Variants in TCOF1 observed in about 807,000 individuals in gnomAD.
The protein encoded by TCOF1 is treacle protein.
A neutral mutation model predicts 149.0 loss-of-function variants in TCOF1; 33 were observed. The observed-to-expected ratio is 0.22, with a 90% CI of 0.17 to 0.30. The LOEUF is 0.30. Ranked by LOEUF, TCOF1 falls within the 10% of genes least tolerant of loss-of-function variation. The pLI is 1.00. For missense variants in TCOF1, 1,728 were observed against 1,840.7 expected (o/e 0.94, Z 1.12); for synonymous variants, 789 against 738.8 (o/e 1.07, Z -1.10).
chr5:150,393,302 C>G lies in TCOF1; in HGVS notation c.3604-70C>G, dbSNP rs1040741733. On this transcript the variant is annotated intron_variant, in intron 22 of 26. Transcript: ENST00000643257. ...CCCAGGCTGCTTTCCTCACAGCAGG[C>G]CATGACTCGGGCTGGGTTATGGCAG... 3 of 1,599,276 alleles carry G rather than the reference C, an allele frequency of 1.9e-6. No homozygotes were observed. The African/African-American group carries it at 4.0e-5, about 21-fold the overall frequency.
chr5:150,398,315 A>G (rs1769006869), intron 24 of TCOF1, 39 bp from the exon 25 acceptor site: 2 of 1,612,234 alleles, frequency 1.2e-6, no homozygotes, highest in East Asian at 4.5e-5. Context: ...ACTTAGGATT[A>G]CCATCTGTTG....
At position 150,372,116 on chromosome 5, in the gene TCOF1, C is replaced by T; in HGVS notation, c.750C>T (p.Pro250=). ...PAPGKVGDVT[P]QVKGGALPPA... ...CTGGGAAGGTGGGGGATGTGACACC[C>T]CAGGTCAAAGGAGGGGCCCTGCCCC... The change falls in exon 7 of 27, where the codon CCC becomes CCT. Residue 250 remains proline (P), a synonymous_variant. Transcript: ENST00000643257. 1 of 1,614,204 alleles carries T rather than the reference C, an allele frequency of 6.2e-7. No homozygotes were observed. Among genetic ancestry groups the T allele is most frequent in the Non-Finnish European group, 8.5e-7 (1 of 1,180,044 alleles).
chr5:150,396,315 A>C lies in TCOF1; in HGVS notation c.3818A>C (p.Gln1273Pro), dbSNP rs1234842078. Residue 1273 changes from glutamine to proline, a missense_variant, in exon 24 of 27, where the codon CAG becomes CCG. Coordinates refer to ENST00000643257, the MANE Select transcript of TCOF1 (RefSeq NM_001371623.1). ...GAGGCTGCTTCAGGCACCACACCTC[A>C]GAAGTCCCGGAAGCCCAAGAAAGGG... ...GKEAASGTTP[Q>P]KSRKPKKGAG... The C allele has an allele frequency of 4.3e-6, 7 of 1,613,888 alleles. No homozygotes were observed. The South Asian group carries it at 5.5e-5, about 13-fold the overall frequency.
At position 150,389,888 on chromosome 5, in the gene TCOF1, C is replaced by T. The variant is rs757995341; in HGVS notation, c.3048C>T (p.Gly1016=). The T allele has an allele frequency of 1.1e-5, 18 of 1,614,214 alleles. No individual in the cohort carries two copies. The highest frequency in any genetic ancestry group is 1.5e-5 in the Non-Finnish European group (18 of 1,180,038). The change falls in exon 19 of 27, where the codon GGC becomes GGT. Residue 1016 remains glycine (G), a splice_region_variant and synonymous_variant. Coordinates refer to ENST00000643257, the MANE Select transcript of TCOF1 (RefSeq NM_001371623.1). ...TGCCCCCATCTCGCTCCATTTCAGG[C>T]ATCAGAACCAATGTGGTGACCATGC... ...VIPATQCLTP[G]IRTNVVTMPT...
chr5:150,389,779 G>A (rs1177966767), intron 18 of TCOF1, 108 bp from the exon 19 acceptor site: 1 of 1,593,644 alleles, frequency 6.3e-7, no homozygotes, highest in East Asian at 2.3e-5. Context: ...TAAGCCCTGA[G>A]CACAGCTCTA....
Position 150,387,987 on chromosome 5 carries a change from G to A in TCOF1, c.2945G>A (p.Ser982Asn), listed in dbSNP as rs774736130. ...ACACCCGCACAAGCCCAGGCTGCAA[G>A]CACCCCGAGGAAGGCCCGAGCCTCG... ...AATPAQAQAASTPRKARASES... is the reference protein window; with the variant it reads ...AATPAQAQAANTPRKARASES... The change falls in exon 18 of 27, where the codon AGC (serine) becomes AAC (asparagine). Residue 982 changes from serine to asparagine, a missense_variant. This residue lies in a region of TCOF1 where 1,696 missense variants were observed against 1,765.4 expected (regional missense o/e 0.96). Transcript: ENST00000643257. 3 of 1,613,940 alleles carry A rather than the reference G, an allele frequency of 1.9e-6. No individual in the cohort carries two copies. Among genetic ancestry groups the A allele is most frequent in the Non-Finnish European group, 2.5e-6 (3 of 1,180,038 alleles).
intron 22 of TCOF1, chr5:150,393,018 A>G: frequency 1.6e-6 from 1 of 614,328 alleles, no homozygotes; most frequent in Non-Finnish European, 2.9e-6. Flanking sequence ...TGGGGTCTGT[A>G]GAAGGGATTG....
At chr5:150,364,606 G>A (rs1043079573) in intron 3 of TCOF1, among the ~76,000 whole-genome samples, 2 of 152,170 alleles carry the variant, frequency 1.3e-5, no homozygotes, top group African/African-American at 4.8e-5. Context: ...AGCAGCTAGC[G>A]GACACATTTT....
At position 150,379,594 on chromosome 5, in the gene TCOF1, C is replaced by G; in HGVS notation, c.2721C>G (p.Pro907=). The change falls in exon 17 of 27, where the codon CCC becomes CCG. Residue 907 remains proline, a synonymous_variant. Coordinates refer to ENST00000643257, the MANE Select transcript of TCOF1 (RefSeq NM_001371623.1). The stretch of plus-strand genomic sequence containing the variant: ...CCTTGGCTCCTGCCAAGGAGTCCCC[C>G]AGGAAAGGGGCTGCCCCAACACCTC... ...RAALAPAKES[P]RKGAAPTPPG... 6.2e-7 allele frequency: 1 copy of G among 1,614,184 alleles called. No individual in the cohort carries two copies. Among genetic ancestry groups the G allele is most frequent in the Non-Finnish European group, 8.5e-7 (1 of 1,180,030 alleles).
chr5:150,390,749 G>C (rs764652948), intron 19 of TCOF1, among the ~76,000 whole-genome samples: 20 of 152,180 alleles, frequency 1.3e-4, no homozygotes, highest in African/African-American at 1.9e-4. Flanking sequence ...CTGGGAACAT[G>C]GGTGTCGGAT....
chr5:150,388,243 T>C (rs963917391), intron 18 of TCOF1, among the ~76,000 whole-genome samples, 155 bp downstream of exon 18: 6 of 152,176 alleles, frequency 3.9e-5, no homozygotes, highest in African/African-American at 1.4e-4. Flanking sequence ...GCCATTCTGA[T>C]TAGGGCCTGG....
intron 2 of TCOF1, among the ~76,000 whole-genome samples, chr5:150,361,542 A>G (rs369020112): frequency 6.6e-6 from 1 of 152,242 alleles, no homozygotes; most frequent in Non-Finnish European, 1.5e-5. Flanking sequence ...TGAGACAGAC[A>G]TGGTTCCTTC....
intron 17 of TCOF1, among the ~76,000 whole-genome samples, chr5:150,382,464 C>T (rs916411611): frequency 3.9e-5 from 6 of 152,246 alleles, no homozygotes; most frequent in African/African-American, 4.8e-5. Context: ...GAAGCTCAGG[C>T]AGCCTGGGTC....
Position 150,376,443 on chromosome 5 carries a change from C to T in TCOF1, c.2163C>T (p.Gly721=). ...TVGQAKSVGK[G]LQVKAASVPV... is the part of the protein sequence containing the mutation. ...CCCAGGCAAAGTCTGTGGGGAAAGG[C>T]CTCCAGGTGAAAGCAGCCTCAGTGC... is the stretch of plus-strand genomic sequence containing the variant. The change falls in exon 14 of 27, where the codon GGC becomes GGT. Residue 721 remains glycine, a synonymous_variant. Transcript: ENST00000643257. 6.2e-7 allele frequency: 1 copy of T among 1,614,226 alleles called. No individual in the cohort carries two copies. Among genetic ancestry groups the T allele is most frequent in the Non-Finnish European group, 8.5e-7 (1 of 1,180,030 alleles).
At chr5:150,371,127 T>C (rs1051505202) in intron 6 of TCOF1, among the ~76,000 whole-genome samples, 1 of 152,004 alleles carries the variant, frequency 6.6e-6, no homozygotes, top group African/African-American at 2.4e-5. Flanking sequence ...TGGAAAGATG[T>C]TTTCAAGGGA....
chr5:150,362,502 CAG>C (rs960824766), intron 2 of TCOF1, among the ~76,000 whole-genome samples: 1 of 152,156 alleles, frequency 6.6e-6, no homozygotes, highest in African/African-American at 2.4e-5. Flanking sequence ...GCCCCGGAGA[CAG>C]AAGTGGGCCC....
chr5:150,399,117 C>A, intron 26 of TCOF1, 47 bp downstream of exon 26: 1 of 1,607,636 alleles, frequency 6.2e-7, no homozygotes. Flanking sequence ...GAGGACAGCT[C>A]TGGTGTCCCC....
intron 1 of TCOF1, among the ~76,000 whole-genome samples, chr5:150,358,681 AC>A (rs1759257588): frequency 1.3e-5 from 2 of 151,858 alleles, no homozygotes; most frequent in South Asian, 4.2e-4. Flanking sequence ...TACTAAAAAT[AC>A]AAAAATTAGC....
At position 150,396,286 on chromosome 5, in the gene TCOF1, A is replaced by C. The variant is rs749303638; in HGVS notation, c.3789A>C (p.Gly1263=). Residue 1263 remains glycine (G), a synonymous_variant, in exon 24 of 27, where the codon GGA becomes GGC. Coordinates refer to ENST00000643257, the MANE Select transcript of TCOF1 (RefSeq NM_001371623.1). ...CCCCACATTCTCTCTCCATAGGTGG[A>C]AAAGAGGCTGCTTCAGGCACCACAC... is the stretch of plus-strand genomic sequence containing the variant. ...AAGMLSPKTG[G]KEAASGTTPQ... 1 of 1,613,918 alleles carries C rather than the reference A, an allele frequency of 6.2e-7. No homozygotes were observed. Among genetic ancestry groups the C allele is most frequent in the Non-Finnish European group, 8.5e-7 (1 of 1,180,036 alleles).
Sources: gnomAD v4.1 joint callset for allele counts (sites outside exome capture counted in the v4.1 genomes callset) on GRCh38, gnomAD v4.1.1 for gene constraint, gnomAD v4.1.1 regional missense constraint, MANE v1.5 for transcripts, NCBI Gene and HGNC (gene_info 2026-07-23, HGNC 2026-07-21) for gene names.